ZC2HC1A: variants seen among roughly 807,000 people sequenced by gnomAD.
ZC2HC1A encodes zinc finger C2HC domain-containing protein 1A.
ZC2HC1A carries 28 observed loss-of-function variants against 40.7 expected under a neutral mutation model. The ratio of observed to expected loss-of-function variants is 0.69; its 90% CI spans 0.51 to 0.94. The LOEUF is 0.94. Among genes scored for constraint, ZC2HC1A ranks in the 40% least tolerant of loss-of-function variants. The pLI, the probability that ZC2HC1A is intolerant of heterozygous loss-of-function variation, is 0.00. For synonymous variants in ZC2HC1A, 129 were observed against 129.2 expected (o/e 1.00, Z 0.01); for missense variants, 389 against 386.3 (o/e 1.01, Z -0.06).
chr8:78,712,898 G>A (rs1362597963), intron 7 of ZC2HC1A, among the ~76,000 whole-genome samples: 1 of 152,182 alleles, frequency 6.6e-6, no homozygotes, highest in African/African-American at 2.4e-5. Context: ...CAGTATGTAT[G>A]TATGAAAAGT....
At chr8:78,687,845 ATATT>A (rs1286178797) in intron 4 of ZC2HC1A, among the ~76,000 whole-genome samples, 1 of 107,032 alleles carries the variant, frequency 9.3e-6, no homozygotes, top group African/African-American at 2.8e-5. Flanking sequence ...AATTATATAT[ATATT>A]TATATAATAT....
rs550236645 is a variant in ZC2HC1A at position 78,674,018 on chromosome 8, A to G, written c.17-1769A>G. On this transcript the variant is annotated intron_variant, in intron 1 of 8. Transcript: ENST00000263849. The stretch of plus-strand genomic sequence containing the variant: ...TGTGGAAATTAATGTCAAGAACTGG[A>G]TATTATTATATGGTAATATTTGGTT... Among the ~76,000 whole-genome samples, 5 of 152,250 alleles carry G rather than the reference A, an allele frequency of 3.3e-5. No individual in the cohort carries two copies. In the South Asian group the frequency reaches 1.0e-3, roughly 32 times the overall value.
intron 4 of ZC2HC1A, among the ~76,000 whole-genome samples, chr8:78,687,508 ATATATATTTATATAATAAAT>A (rs1363076144): frequency 1.5e-4 from 22 of 142,362 alleles, no homozygotes; most frequent in Middle Eastern, 4.1e-3. Context: ...ATAATAAATT[ATATATATTTATATAATAAAT>A]TATATATTTA....
chr8:78,713,881 A>G (rs1811019956), intron 7 of ZC2HC1A, among the ~76,000 whole-genome samples: 1 of 152,176 alleles, frequency 6.6e-6, no homozygotes, highest in Non-Finnish European at 1.5e-5. Flanking sequence ...TTTGGGGGAC[A>G]TTAAATAAGG....
chr8:78,666,308 C>G (rs1757740270), intron 1 of ZC2HC1A, 144 bp downstream of exon 1: 22 of 1,355,518 alleles, frequency 1.6e-5, no homozygotes, highest in African/African-American at 2.9e-5. Context: ...AGGCTGGGGC[C>G]GAAGGGAACC....
chr8:78,690,519 C>T (rs2130508329), intron 5 of ZC2HC1A, among the ~76,000 whole-genome samples: 2 of 150,268 alleles, frequency 1.3e-5, no homozygotes, highest in South Asian at 2.1e-4. Flanking sequence ...TAGATCATGC[C>T]ACTGCACTCC....
At chr8:78,686,127 G>A (rs10102877) in intron 3 of ZC2HC1A, among the ~76,000 whole-genome samples, 83,651 of 151,994 alleles carry the variant, frequency 0.55, 25,416 homozygotes, top group South Asian at 0.71. Context: ...TCCCCACCTC[G>A]TACTACTGTT....
At chr8:78,683,072 A>G (rs994444242) in intron 3 of ZC2HC1A, among the ~76,000 whole-genome samples, 1 of 152,198 alleles carries the variant, frequency 6.6e-6, no homozygotes, top group Non-Finnish European at 1.5e-5. Context: ...TTGTCTTTGC[A>G]GGGTACAGCC....
In ZC2HC1A at chr8:78,719,254, T is replaced by G. The variant is rs1811192041; in HGVS notation, c.*1761T>G. 1 of 151,758 alleles carries G rather than the reference T, an allele frequency of 6.6e-6. No individual in the cohort carries two copies. Among genetic ancestry groups the G allele is most frequent in the African/African-American group, 2.4e-5 (1 of 41,430 alleles). The allele number at this position is 151,758 out of a possible 1,614,324, so 9.4% of individuals were successfully genotyped here. A position where few individuals can be genotyped will look rare whatever the true frequency, so the allele number is the denominator to read the frequency against. On this transcript the variant is annotated 3_prime_UTR_variant, in exon 9 of 9. Transcript: ENST00000263849. Reference sequence around the variant, plus strand: ...CAAGTATTTTTTTAAGACCACATAATTCTTTTTGTCTGCTCAAGGAAAGGA... The same window carrying G: ...CAAGTATTTTTTTAAGACCACATAAGTCTTTTTGTCTGCTCAAGGAAAGGA...
chr8:78,680,286 CAAAAAAAAAAAAAA>C (rs3070855), intron 3 of ZC2HC1A, among the ~76,000 whole-genome samples: 1 of 88,150 alleles, frequency 1.1e-5, no homozygotes, highest in Non-Finnish European at 2.2e-5. Flanking sequence ...GACTCCGTCT[CAAAAAAAAAAAAAA>C]AAAAAAAAAA....
chr8:78,713,394 T>A lies in ZC2HC1A; in HGVS notation c.705-1827T>A, dbSNP rs375852160. Among the ~76,000 whole-genome samples, 400 of 152,230 alleles carry A rather than the reference T, an allele frequency of 2.6e-3. 3 individuals carry two copies. Among genetic ancestry groups the A allele is most frequent in the Admixed American group, 6.6e-3 (101 of 15,288 alleles). ...CCTCAAGTTACCGATATGGTGACAT[T>A]ATGTGTATATATTCATGGGTGTGTT... On this transcript the variant is annotated intron_variant, in intron 7 of 8. Coordinates refer to ENST00000263849, the MANE Select transcript of ZC2HC1A (RefSeq NM_016010.3).
At chr8:78,694,096 C>G (rs1032660447) in intron 5 of ZC2HC1A, among the ~76,000 whole-genome samples, 5 of 152,134 alleles carry the variant, frequency 3.3e-5, no homozygotes, top group African/African-American at 9.7e-5. Flanking sequence ...GTCTATATCT[C>G]TGTTTTGTGT....
At chr8:78,701,436 C>T (rs1415462068) in intron 7 of ZC2HC1A, among the ~76,000 whole-genome samples, 1 of 152,162 alleles carries the variant, frequency 6.6e-6, no homozygotes, top group Admixed American at 6.5e-5. Context: ...ATGTCATCTG[C>T]CAGCAGGGAT....
chr8:78,666,290 G>A, intron 1 of ZC2HC1A, 126 bp downstream of exon 1: 5 of 1,462,258 alleles, frequency 3.4e-6, no homozygotes, highest in Non-Finnish European at 4.6e-6. Flanking sequence ...GTCCCGCCGC[G>A]CCTCCGGAGG....
At chr8:78,685,244 A>G (rs973748337) in intron 3 of ZC2HC1A, among the ~76,000 whole-genome samples, 1 of 78,562 alleles carries the variant, frequency 1.3e-5, no homozygotes, top group African/African-American at 3.4e-5. Context: ...GGATAGGACA[A>G]CTGCATAGCC....
At chr8:78,673,589 C>T (rs183085778) in intron 1 of ZC2HC1A, among the ~76,000 whole-genome samples, 1 of 152,270 alleles carries the variant, frequency 6.6e-6, no homozygotes, top group Admixed American at 6.5e-5. Context: ...TGTTTCCTGA[C>T]TTTTTAATGA....
intron 1 of ZC2HC1A, among the ~76,000 whole-genome samples, chr8:78,666,769 G>T (rs1187117810): frequency 6.6e-6 from 1 of 152,286 alleles, no homozygotes; most frequent in African/African-American, 2.4e-5. Flanking sequence ...ATTCACGGCC[G>T]CTGTGTGAGG....
chr8:78,713,293 A>G (rs1231588316), intron 7 of ZC2HC1A, among the ~76,000 whole-genome samples: 1 of 152,084 alleles, frequency 6.6e-6, no homozygotes, highest in Non-Finnish European at 1.5e-5. Flanking sequence ...AAAATAAATG[A>G]CAGGTATTTA....
rs1810574243 is a variant in ZC2HC1A, at chr8:78,700,726, A to G, written c.704+2213A>G. Among the ~76,000 whole-genome samples the G allele has an allele frequency of 2.6e-5, 4 of 152,166 alleles. No individual in the cohort carries two copies. In the South Asian group the frequency reaches 6.2e-4, roughly 24 times the overall value. On this transcript the variant is annotated intron_variant, in intron 7 of 8. Transcript: ENST00000263849. ...CAGTTTCAGTCTTCTGCATATTGCT[A>G]GCCAATTATCCCAGCACCTTTTATT... is the stretch of plus-strand genomic sequence containing the variant.
Sources: gnomAD v4.1 joint callset for allele counts (sites outside exome capture counted in the v4.1 genomes callset) on GRCh38, gnomAD v4.1.1 for gene constraint, MANE v1.5 for transcripts, NCBI Gene and HGNC (gene_info 2026-07-23, HGNC 2026-07-21) for gene names.